The following SIGLEC5 variants were observed in gnomAD, a reference collection of about 807,000 sequenced individuals.
SIGLEC5 encodes sialic acid-binding Ig-like lectin 5.
SIGLEC5 carries 34 observed loss-of-function variants against 45.9 expected under a neutral mutation model. That is an observed-to-expected ratio of 0.74 (90% CI 0.56 to 0.99). The LOEUF is 0.99. SIGLEC5 is among the 50% of genes least tolerant of loss of function. The pLI is 0.00. For missense variants in SIGLEC5, 508 were observed against 629.6 expected (o/e 0.81, Z 2.07); for synonymous variants, 203 against 258.6 (o/e 0.79, Z 2.06).
At chr19:51,622,254 C>T (rs1983317068) in intron 8 of SIGLEC5, among the ~76,000 whole-genome samples, 1 of 152,086 alleles carries the variant, frequency 6.6e-6, no homozygotes, top group Non-Finnish European at 1.5e-5. Flanking sequence ...GCCTCAGCCT[C>T]CCGAGTAGCT....
intron 4 of SIGLEC5, 109 bp from the exon 5 acceptor site, chr19:51,628,200 C>T: frequency 7.8e-7 from 1 of 1,276,818 alleles, no homozygotes. Flanking sequence ...CCTCCCCTGG[C>T]CTATGCTGGC....
chr19:51,629,161 G>A, intron 3 of SIGLEC5, 85 bp from the exon 4 acceptor site: 1 of 1,551,016 alleles, frequency 6.4e-7, no homozygotes, highest in Non-Finnish European at 8.8e-7. Context: ...AGGAGCCACA[G>A]AAACCCACCA....
chr19:51,612,432 G>A lies in SIGLEC5; in HGVS notation c.1465-10C>T. ...GCTTCTTCCTGGAACCCTGAGTAAAGGGGAAGGAAAGGTGTCACAGTAGGA... is the reference window on the plus strand; with the variant it reads ...GCTTCTTCCTGGAACCCTGAGTAAAAGGGAAGGAAAGGTGTCACAGTAGGA... On this transcript the variant is annotated splice_polypyrimidine_tract_variant and intron_variant, in intron 8 of 8. Transcript: ENST00000683636. The A allele has an allele frequency of 6.3e-7, 1 of 1,594,822 alleles. No homozygotes were observed. Among genetic ancestry groups the A allele is most frequent in the East Asian group, 2.3e-5 (1 of 44,270 alleles).
intron 4 of SIGLEC5, among the ~76,000 whole-genome samples, chr19:51,628,472 T>A (rs949357649): frequency 6.6e-6 from 1 of 151,734 alleles, no homozygotes; most frequent in African/African-American, 2.4e-5. Flanking sequence ...GGGCATGGAG[T>A]GGTCCTTAGT....
At position 51,627,495 on chromosome 19, in the gene SIGLEC5, C is replaced by T; in HGVS notation, c.1249G>A (p.Gly417Arg). The T allele has an allele frequency of 6.2e-7, 1 of 1,613,984 alleles. No individual in the cohort carries two copies. ...KVSCKAWNIYGSQSGSVLLLQ... is the reference protein window; with the variant it reads ...KVSCKAWNIYRSQSGSVLLLQ... Reference sequence around the variant, plus strand: ...AGCAGGACAGAGCCGCTCTGGGACCCATAGATGTTCCAGGCCTTGCAGCTG... The same window carrying T: ...AGCAGGACAGAGCCGCTCTGGGACCTATAGATGTTCCAGGCCTTGCAGCTG... Residue 417 changes from glycine (G) to arginine (R), a missense_variant, in exon 6 of 9, where the codon GGG becomes AGG. Gly to Arg is a moderately radical substitution (Grantham distance 125). Around this residue, in one of 2 missense-constraint regions of SIGLEC5, gnomAD observed 431 missense variants for 428.8 expected, o/e 1.01. Coordinates refer to ENST00000683636, the MANE Select transcript of SIGLEC5 (RefSeq NM_003830.4).
intron 8 of SIGLEC5, 86 bp from the exon 9 acceptor site, chr19:51,612,508 G>T: frequency 9.9e-7 from 1 of 1,008,730 alleles, no homozygotes; most frequent in Non-Finnish European, 1.4e-6. Context: ...ATGTTGCCTT[G>T]GGATTTATTT....
In SIGLEC5 at chr19:51,612,321, G is replaced by A; in HGVS notation, c.1566C>T (p.Ser522=). The change falls in exon 9 of 9, where the codon TCC becomes TCT. Residue 522 remains serine, a synonymous_variant. Transcript: ENST00000683636. ...LEEQKELHYA[S]LSFSEMKSRE... is the part of the protein sequence containing the mutation. ...TCGACTTCATCTCAGAAAAACTAAG[G>A]GAGGCATAATGGAGCTCCTTTTGTT... The A allele has an allele frequency of 6.2e-7, 1 of 1,613,288 alleles. No individual in the cohort carries two copies. The highest frequency in any genetic ancestry group is 8.5e-7 in the Non-Finnish European group (1 of 1,179,768).
chr19:51,618,455 A>C (rs1472560505), intron 8 of SIGLEC5, among the ~76,000 whole-genome samples: 1 of 149,592 alleles, frequency 6.7e-6, no homozygotes, highest in Non-Finnish European at 1.5e-5. Context: ...AAAAAAAAAA[A>C]AAAAAAAAAA....
chr19:51,618,443 T>TAAAAAAAAAAAAAAA (rs1228951315), intron 8 of SIGLEC5, among the ~76,000 whole-genome samples: 29 of 49,450 alleles, frequency 5.9e-4, no homozygotes, highest in African/African-American at 7.0e-4. Context: ...AGACCCTGCC[T>TAAAAAAAAAAAAAAA]AAAAAAAAAA....
intron 8 of SIGLEC5, among the ~76,000 whole-genome samples, chr19:51,623,785 C>T (rs2122629801): frequency 6.6e-6 from 1 of 152,236 alleles, no homozygotes; most frequent in African/African-American, 2.4e-5. Flanking sequence ...AAGGAAAGCT[C>T]GTGTGTGTTA....
chr19:51,621,654 T>C (rs1035801141), intron 8 of SIGLEC5: 7 of 152,236 alleles, frequency 4.6e-5, no homozygotes, highest in Non-Finnish European at 8.8e-5. Context: ...ATTTTTCAGA[T>C]GGTATCTATA....
chr19:51,625,932 C>T (rs1394823770), intron 8 of SIGLEC5, 100 bp downstream of exon 8: 3 of 865,402 alleles, frequency 3.5e-6, no homozygotes, highest in Non-Finnish European at 5.8e-6. Context: ...GAAGAGAACT[C>T]CCAGGTGATG....
At chr19:51,616,435 C>G (rs1426073633) in intron 8 of SIGLEC5, among the ~76,000 whole-genome samples, 2 of 152,002 alleles carry the variant, frequency 1.3e-5, no homozygotes, top group African/African-American at 4.8e-5. Context: ...GCAAAAAGGG[C>G]CATGTGGAAA....
At chr19:51,613,093 C>T (rs928336769) in intron 8 of SIGLEC5, among the ~76,000 whole-genome samples, 1 of 152,146 alleles carries the variant, frequency 6.6e-6, no homozygotes, top group Non-Finnish European at 1.5e-5. Context: ...CTTTTCTGGT[C>T]AAGGCTCTCC....
chr19:51,629,026 G>C lies in SIGLEC5; in HGVS notation c.739+12C>G, dbSNP rs780832039. The C allele has an allele frequency of 6.2e-6, 10 of 1,613,012 alleles. No individual in the cohort carries two copies. The highest frequency in any genetic ancestry group is 6.8e-6 in the Non-Finnish European group (8 of 1,179,152). ...AGGCAGGTCCCAGCTTCAGAGAGGA[G>C]GTCTTTCCTACCTATGCCGTTCCTG... On this transcript the variant is annotated intron_variant, in intron 4 of 8. Coordinates refer to ENST00000683636, the MANE Select transcript of SIGLEC5 (RefSeq NM_003830.4).
intron 7 of SIGLEC5, among the ~76,000 whole-genome samples, chr19:51,626,901 T>TTTTG (rs1213226372): frequency 6.6e-6 from 1 of 151,990 alleles, no homozygotes; most frequent in Non-Finnish European, 1.5e-5. Flanking sequence ...CTGCTTTTTG[T>TTTTG]TTTGTTTTGT....
chr19:51,614,682 T>C (rs182786772), intron 8 of SIGLEC5, among the ~76,000 whole-genome samples: 1 of 152,254 alleles, frequency 6.6e-6, no homozygotes, highest in East Asian at 1.9e-4. Flanking sequence ...ACAGCTCAGA[T>C]TAGTAAATAG....
intron 8 of SIGLEC5, among the ~76,000 whole-genome samples, chr19:51,612,875 TTC>T (rs35813605): frequency 0.21 from 32,164 of 149,684 alleles, 4,325 homozygotes; most frequent in Admixed American, 0.3. Flanking sequence ...TCATGGGTTC[TTC>T]TCTCTCTCTC....
chr19:51,624,756 G>A (rs1207225523), intron 8 of SIGLEC5, among the ~76,000 whole-genome samples: 1 of 152,006 alleles, frequency 6.6e-6, no homozygotes, highest in Non-Finnish European at 1.5e-5. Context: ...ATCACCTGAG[G>A]TCAGGAGTTC....
Sources: gnomAD v4.1 joint callset for allele counts (sites outside exome capture counted in the v4.1 genomes callset) on GRCh38, gnomAD v4.1.1 for gene constraint, gnomAD v4.1.1 regional missense constraint, MANE v1.5 for transcripts, NCBI Gene and HGNC (gene_info 2026-07-23, HGNC 2026-07-21) for gene names.